The following ADGB variants were observed in gnomAD, a reference collection of about 807,000 sequenced individuals.
ADGB encodes calpain-7-like protein.
A neutral mutation model predicts 210.5 loss-of-function variants in ADGB; 172 were observed. That is an observed-to-expected ratio of 0.82 (90% CI 0.72 to 0.93). The LOEUF is 0.93. Ranked by LOEUF, ADGB falls within the 40% of genes least tolerant of loss-of-function variation. The probability of loss-of-function intolerance (pLI) is 0.00; values close to 1 mark genes in which losing one functional copy is unlikely to be tolerated. For synonymous variants in ADGB, 658 were observed against 662.7 expected (o/e 0.99, Z 0.11); for missense variants, 2,025 against 1,964.8 (o/e 1.03, Z -0.58).
chr6:146,755,063 T>A (rs1777387043), intron 27 of ADGB, among the ~76,000 whole-genome samples: 1 of 152,120 alleles, frequency 6.6e-6, no homozygotes, highest in Non-Finnish European at 1.5e-5. Flanking sequence ...GCTAGTTATG[T>A]AAGTTTCATA....
chr6:146,810,174 C>A (rs259381), intron 35 of ADGB, among the ~76,000 whole-genome samples: 54 of 151,530 alleles, frequency 3.6e-4, no homozygotes, highest in Middle Eastern at 3.4e-3. Context: ...TATCCAAAGA[C>A]GACACAGGAA....
intron 27 of ADGB, among the ~76,000 whole-genome samples, chr6:146,755,797 T>C (rs1777398408): frequency 6.6e-6 from 1 of 152,022 alleles, no homozygotes. Flanking sequence ...CTAGTTGACC[T>C]TTGCAAAGCT....
At chr6:146,675,349 C>T (rs529333112) in intron 8 of ADGB, among the ~76,000 whole-genome samples, 14 of 151,988 alleles carry the variant, frequency 9.2e-5, no homozygotes, top group African/African-American at 3.4e-4. Context: ...GTGGTGCACA[C>T]CTGTAGTCCC....
intron 1 of ADGB, among the ~76,000 whole-genome samples, chr6:146,625,516 G>A (rs2114848236): frequency 6.6e-6 from 1 of 152,226 alleles, no homozygotes; most frequent in Admixed American, 6.5e-5. Flanking sequence ...GTTGAAATGT[G>A]AGGTGTTTGG....
intron 2 of ADGB, among the ~76,000 whole-genome samples, 172 bp from the exon 3 acceptor site, chr6:146,644,601 A>C (rs1490426618): frequency 6.6e-6 from 1 of 151,936 alleles, no homozygotes; most frequent in Non-Finnish European, 1.5e-5. Flanking sequence ...AGTATTGTTA[A>C]ATTCAGTATT....
intron 1 of ADGB, among the ~76,000 whole-genome samples, chr6:146,605,276 G>C (rs971171495): frequency 6.6e-6 from 1 of 152,126 alleles, no homozygotes; most frequent in Admixed American, 6.5e-5. Context: ...ATGATAGTGA[G>C]GAACATATTA....
intron 1 of ADGB, among the ~76,000 whole-genome samples, chr6:146,631,446 A>G (rs1374700344): frequency 6.6e-6 from 1 of 152,216 alleles, no homozygotes; most frequent in Non-Finnish European, 1.5e-5. Context: ...ATACAACATA[A>G]CATAGTGCTA....
At chr6:146,721,352 T>A (rs1374218825) in intron 16 of ADGB, 51 bp from the exon 17 acceptor site, 2 of 1,149,002 alleles carry the variant, frequency 1.7e-6, no homozygotes, top group Non-Finnish European at 2.6e-6. Flanking sequence ...AGTGAAATAA[T>A]AGCATTGATG....
intron 35 of ADGB, 138 bp from the exon 36 acceptor site, chr6:146,814,894 A>G (rs1226629615): frequency 4.0e-6 from 3 of 752,900 alleles, no homozygotes; most frequent in Non-Finnish European, 6.2e-6. Flanking sequence ...GAGACCATAC[A>G]CTAATTTTCA....
rs77832704 is a variant in ADGB, at chr6:146,660,735, C to T, written c.613-3466C>T. Among the ~76,000 whole-genome samples, 381 of 152,136 alleles carry T rather than the reference C, an allele frequency of 2.5e-3. 1 individual carries two copies. Among genetic ancestry groups the T allele is most frequent in the Non-Finnish European group, 4.4e-3 (299 of 67,948 alleles). On this transcript the variant is annotated intron_variant, in intron 5 of 35. Transcript: ENST00000397944. ...TGTATATAGTCTTTGCCCATTTGTACGGACTTCTTTTTCTAGGATTTCTAC... is the reference window on the plus strand; with the variant it reads ...TGTATATAGTCTTTGCCCATTTGTATGGACTTCTTTTTCTAGGATTTCTAC...
intron 33 of ADGB, among the ~76,000 whole-genome samples, chr6:146,795,684 T>C (rs1317903028): frequency 3.9e-5 from 6 of 152,194 alleles, no homozygotes; most frequent in Non-Finnish European, 5.9e-5. Flanking sequence ...GGAACACTTA[T>C]ACATTGTTGG....
Position 146,654,141 on chromosome 6 carries a change from G to GTAGTTGT in ADGB, c.338_344dup (p.Lys116SerfsTer5). Reference sequence around the variant, plus strand: ...ACATATATATTTTTTTCAGACTCCAGTAGTTGTGAAAAATGAAATCACGTT... The same window carrying GTAGTTGT: ...ACATATATATTTTTTTCAGACTCCAGTAGTTGTTAGTTGTGAAAAATGAAATCACGTT... On this transcript the variant is annotated frameshift_variant, in exon 4 of 36. Transcript: ENST00000397944. LOFTEE classifies it high-confidence loss of function. 6.5e-7 allele frequency: 1 copy of GTAGTTGT among 1,531,116 alleles called. No individual in the cohort carries two copies. The highest frequency in any genetic ancestry group is 8.8e-7 in the Non-Finnish European group (1 of 1,130,826). The allele number at this position is 1,531,116 out of a possible 1,614,324, so 94.8% of individuals were successfully genotyped here.
chr6:146,604,841 G>A (rs900665743), intron 1 of ADGB, among the ~76,000 whole-genome samples: 5 of 152,154 alleles, frequency 3.3e-5, no homozygotes, highest in African/African-American at 9.7e-5. Context: ...GGAATCATGC[G>A]TTGGTGTGGG....
intron 1 of ADGB, among the ~76,000 whole-genome samples, chr6:146,619,396 T>A (rs946930134): frequency 6.6e-6 from 1 of 152,194 alleles, no homozygotes; most frequent in South Asian, 2.1e-4. Context: ...AACGGTTTAT[T>A]ACTGCCATTT....
At chr6:146,740,360 C>A in intron 23 of ADGB, 99 bp from the exon 24 acceptor site, 2 of 1,071,098 alleles carry the variant, frequency 1.9e-6, no homozygotes, top group Admixed American at 2.8e-5. Context: ...CAATGACTTG[C>A]AATATCTTAT....
chr6:146,663,231 C>T (rs1181687851), intron 5 of ADGB, among the ~76,000 whole-genome samples: 3 of 139,956 alleles, frequency 2.1e-5, no homozygotes, highest in Non-Finnish European at 3.0e-5. Context: ...TATATATAAC[C>T]TTAATAATAT....
intron 3 of ADGB, among the ~76,000 whole-genome samples, chr6:146,651,815 A>G (rs73571853): frequency 0.085 from 12,908 of 152,142 alleles, 1,810 homozygotes; most frequent in African/African-American, 0.29. Context: ...GAAAGGAGGG[A>G]AACTAAGTTT....
intron 29 of ADGB, among the ~76,000 whole-genome samples, chr6:146,773,295 C>T (rs976207027): frequency 1.5e-4 from 22 of 151,700 alleles, no homozygotes; most frequent in African/African-American, 2.4e-4. Flanking sequence ...AAAAAAAGAT[C>T]GTACATACCA....
rs1583639549 is a variant in ADGB at position 146,788,495 on chromosome 6, G to A, written c.4422G>A (p.Lys1474=). The change falls in exon 33 of 36, where the codon AAG becomes AAA. Residue 1474 remains lysine (K), a synonymous_variant. Coordinates refer to ENST00000397944, the MANE Select transcript of ADGB (RefSeq NM_024694.4). ...GATCAGGGAGTGCGGTGTGGAAGAAGTGGCAATTGACCAAAGGCTTGAGGG... is the reference window on the plus strand; with the variant it reads ...GATCAGGGAGTGCGGTGTGGAAGAAATGGCAATTGACCAAAGGCTTGAGGG... ...QTGSGSAVWK[K]WQLTKGLRDV... The A allele has an allele frequency of 6.4e-7, 1 of 1,551,660 alleles. No individual in the cohort carries two copies. The highest frequency in any genetic ancestry group is 8.7e-7 in the Non-Finnish European group (1 of 1,146,950).
Sources: allele counts gnomAD v4.1 joint callset (sites outside exome capture counted in the v4.1 genomes callset), GRCh38; gene constraint gnomAD v4.1.1; transcripts MANE v1.5; gene names NCBI Gene and HGNC (gene_info 2026-07-23, HGNC 2026-07-21).